Variants in ROBO2 observed in about 807,000 individuals in gnomAD.
The protein encoded by ROBO2 is roundabout guidance receptor 2, also known as roundabout homolog 2.
In ROBO2, 53 loss-of-function variants were observed where a neutral mutation model predicts 160.8. The observed-to-expected ratio is 0.33, with a 90% CI of 0.26 to 0.41. ROBO2 has a LOEUF of 0.41. Ranked by LOEUF, ROBO2 falls within the 10% of genes least tolerant of loss-of-function variation. The pLI, the probability that ROBO2 is intolerant of heterozygous loss-of-function variation, is 1.00. For synonymous variants in ROBO2, 664 were observed against 611.7 expected, an observed-to-expected ratio of 1.09 and a Z score of -1.26; for missense variants, 1,577 against 1,722.4, an observed-to-expected ratio of 0.92 and a Z score of 1.49.
intron 23 of ROBO2, chr3:77,632,324 A>G (rs2095180126): frequency 1.8e-6 from 1 of 570,294 alleles, no homozygotes; most frequent in African/African-American, 1.9e-5. Context: ...AATGTTTAAA[A>G]TGTACATGAT....
In ROBO2 at chr3:77,634,882, C is replaced by T. The variant is rs772069288; in HGVS notation, c.3773C>T (p.Thr1258Ile). 3.9e-5 allele frequency: 63 copies of T among 1,613,874 alleles called. No homozygotes were observed. The highest frequency in any genetic ancestry group is 5.2e-5 in the Non-Finnish European group (61 of 1,179,958). Residue 1258 changes from threonine (T) to isoleucine (I), a missense_variant, in exon 24 of 26, where the codon ACC (threonine) becomes ATC (isoleucine). This residue lies in a region of ROBO2 where 637 missense variants were observed against 586.9 expected (regional missense o/e 1.09). Coordinates refer to ENST00000461745, the Ensembl canonical transcript of ROBO2. ...ATTTTCATTTTAGGAAAAGCCTTTACCTCCTCTCAAAGACCTCGACCTACC... is the reference window on the plus strand; with the variant it reads ...ATTTTCATTTTAGGAAAAGCCTTTATCTCCTCTCAAAGACCTCGACCTACC...
chr3:77,292,859 T>A (rs1247827967), intron 2 of ROBO2, among the ~76,000 whole-genome samples: 1 of 145,888 alleles, frequency 6.9e-6, no homozygotes, highest in Admixed American at 6.9e-5. Context: ...TGAGGCTAGA[T>A]CACTAAAGAC....
intron 2 of ROBO2, among the ~76,000 whole-genome samples, chr3:77,379,185 A>G (rs972083889): frequency 2.0e-5 from 3 of 152,106 alleles, no homozygotes; most frequent in Non-Finnish European, 2.9e-5. Flanking sequence ...TGACCTAGTG[A>G]TCCACCTGCC....
At chr3:76,898,968 T>A (rs1384041737) in intron 2 of ROBO2, among the ~76,000 whole-genome samples, 1 of 152,112 alleles carries the variant, frequency 6.6e-6, no homozygotes, top group African/African-American at 2.4e-5. Flanking sequence ...TTCCTTTATG[T>A]GACAGTGGAG....
intron 2 of ROBO2, among the ~76,000 whole-genome samples, chr3:75,957,976 C>CT (rs1245368051): frequency 1.3e-4 from 19 of 151,722 alleles, no homozygotes; most frequent in African/African-American, 4.3e-4. Context: ...AGAGGACTTC[C>CT]TGTTAGAAAT....
chr3:76,768,139 ATGTT>A (rs916365901), intron 2 of ROBO2, among the ~76,000 whole-genome samples: 2 of 151,484 alleles, frequency 1.3e-5, no homozygotes, highest in African/African-American at 4.8e-5. Flanking sequence ...TATTAATAAA[ATGTT>A]TGAGAATGTT....
intron 2 of ROBO2, among the ~76,000 whole-genome samples, chr3:76,269,785 T>C (rs1707320925): frequency 2.0e-5 from 3 of 152,060 alleles, no homozygotes; most frequent in South Asian, 2.1e-4. Context: ...TTTGTCTATA[T>C]GCAAAATATA....
intron 2 of ROBO2, among the ~76,000 whole-genome samples, chr3:76,879,587 G>A (rs748426154): frequency 5.3e-5 from 8 of 152,016 alleles, no homozygotes; most frequent in South Asian, 2.1e-4. Flanking sequence ...GGCCTCTGTC[G>A]TTATTTCAAG....
intron 2 of ROBO2, among the ~76,000 whole-genome samples, chr3:75,944,961 T>C (rs1948213877): frequency 6.6e-6 from 1 of 152,188 alleles, no homozygotes. Flanking sequence ...CTGTTGCTTT[T>C]CATAGTTTAC....
At position 76,095,749 on chromosome 3, in the gene ROBO2, G is replaced by GACACAC. The variant is rs59290141; in HGVS notation, c.109+158181_109+158186dup. ...TATATACAAGACACATAGTATGCTTGACACACACACACACACACACACACA... is the reference window on the plus strand; with the variant it reads ...TATATACAAGACACATAGTATGCTTGACACACACACACACACACACACACACACACA... On this transcript the variant is annotated intron_variant, in intron 2 of 26. Transcript: ENST00000487694. 2.8e-4 allele frequency among the ~76,000 whole-genome samples: 42 copies of GACACAC among 148,050 alleles called. 1 individual carries two copies. Among genetic ancestry groups the GACACAC allele is most frequent in the African/African-American group, 6.9e-4 (28 of 40,752 alleles).
At chr3:76,771,032 C>A (rs558077729) in intron 2 of ROBO2, among the ~76,000 whole-genome samples, 5 of 151,358 alleles carry the variant, frequency 3.3e-5, no homozygotes, top group African/African-American at 1.2e-4. Flanking sequence ...TACCTTTGCA[C>A]ATCTATATAT....
intron 2 of ROBO2, among the ~76,000 whole-genome samples, chr3:76,318,442 C>T (rs144137949): frequency 5.3e-5 from 8 of 152,160 alleles, no homozygotes; most frequent in African/African-American, 1.9e-4. Context: ...CCTCCCGTTT[C>T]CAAATTACAC....
chr3:76,212,136 C>A (rs949895152), intron 2 of ROBO2, among the ~76,000 whole-genome samples: 5 of 151,798 alleles, frequency 3.3e-5, no homozygotes, highest in African/African-American at 1.2e-4. Context: ...AACCAGCTAA[C>A]CTCTCTAATA....
In ROBO2 at chr3:76,157,991, T is replaced by A. The variant is rs75316524; in HGVS notation, c.109+220389T>A. Among the ~76,000 whole-genome samples, 663 of 152,282 alleles carry A rather than the reference T, an allele frequency of 4.4e-3. 11 individuals are homozygous for A. The highest frequency in any genetic ancestry group is 0.034 in the East Asian group (177 of 5,180). ...GATCAGAAAATGCCTTTAATTTGTA[T>A]ATATTAGTAATCTCTCTAAGAAGTT... On this transcript the variant is annotated intron_variant, in intron 2 of 26. Coordinates refer to the ROBO2 transcript ENST00000487694.
chr3:76,361,915 T>C (rs2075545448), intron 2 of ROBO2, among the ~76,000 whole-genome samples: 1 of 152,154 alleles, frequency 6.6e-6, no homozygotes, highest in Admixed American at 6.6e-5. Context: ...CCTGAAGTGT[T>C]AGATTTATTA....
At chr3:76,024,743 A>T (rs2066683505) in intron 2 of ROBO2, among the ~76,000 whole-genome samples, 1 of 151,556 alleles carries the variant, frequency 6.6e-6, no homozygotes, top group African/African-American at 2.4e-5. Context: ...AAATTTTGAT[A>T]GCTCGGTTGG....
intron 2 of ROBO2, among the ~76,000 whole-genome samples, chr3:76,829,663 T>C (rs2066903902): frequency 1.3e-5 from 2 of 150,126 alleles, no homozygotes; most frequent in South Asian, 2.2e-4. Flanking sequence ...TTCTTTCTTT[T>C]TTTTTCTTTT....
intron 1 of ROBO2, among the ~76,000 whole-genome samples, chr3:77,089,221 A>T (rs2069784099): frequency 6.6e-6 from 1 of 152,156 alleles, no homozygotes; most frequent in African/African-American, 2.4e-5. Flanking sequence ...CAGAGCTTGG[A>T]CCCACAGCTA....
chr3:76,474,140 G>C (rs1560007537), intron 2 of ROBO2, among the ~76,000 whole-genome samples: 1 of 152,062 alleles, frequency 6.6e-6, no homozygotes, highest in Non-Finnish European at 1.5e-5. Flanking sequence ...ATACCAGGTC[G>C]ATTACATGTA....
Sources: allele counts gnomAD v4.1 joint callset (sites outside exome capture counted in the v4.1 genomes callset), GRCh38; gene constraint gnomAD v4.1.1; regional missense constraint gnomAD v4.1.1; transcripts MANE v1.5; gene names NCBI Gene and HGNC (gene_info 2026-07-23, HGNC 2026-07-21).